Variants in GPC6 observed in about 807,000 individuals in gnomAD.
GPC6 encodes glypican 6.
GPC6 carries 14 observed loss-of-function variants against 55.2 expected under a neutral mutation model. That is an observed-to-expected ratio of 0.25 (90% CI 0.17 to 0.40). The LOEUF (loss-of-function observed/expected upper bound fraction) is 0.40. GPC6 is among the 10% of genes least tolerant of loss of function. The pLI, the probability that GPC6 is intolerant of heterozygous loss-of-function variation, is 1.00. For synonymous variants in GPC6, 278 were observed against 259.6 expected, an observed-to-expected ratio of 1.07 and a Z score of -0.68; for missense variants, 641 against 708.5, an observed-to-expected ratio of 0.90 and a Z score of 1.08.
intron 3 of GPC6, among the ~76,000 whole-genome samples, chr13:93,859,714 G>A (rs914545226): frequency 2.6e-5 from 4 of 151,494 alleles, no homozygotes; most frequent in Admixed American, 1.3e-4. Context: ...CATTTTATGT[G>A]CATTTTGATT....
intron 2 of GPC6, among the ~76,000 whole-genome samples, chr13:93,593,155 A>C (rs1877566251): frequency 6.6e-6 from 1 of 152,158 alleles, no homozygotes; most frequent in Non-Finnish European, 1.5e-5. Flanking sequence ...ATCATAGTTA[A>C]AATCAGAAAT....
At chr13:93,608,020 C>T (rs1192415003) in intron 2 of GPC6, among the ~76,000 whole-genome samples, 2 of 99,412 alleles carry the variant, frequency 2.0e-5, no homozygotes, top group Non-Finnish European at 3.9e-5. Context: ...TGGAGCCACT[C>T]CTGTGGCACT....
chr13:94,082,089 C>T (rs1316697567), intron 4 of GPC6, among the ~76,000 whole-genome samples: 1 of 152,042 alleles, frequency 6.6e-6, no homozygotes, highest in Admixed American at 6.6e-5. Flanking sequence ...GATCCACCTG[C>T]CTCGGCCTCC....
intron 4 of GPC6, among the ~76,000 whole-genome samples, chr13:94,211,075 C>T (rs1890060918): frequency 6.6e-6 from 1 of 152,146 alleles, no homozygotes; most frequent in Non-Finnish European, 1.5e-5. Flanking sequence ...CTGAAAATAC[C>T]ACTGATGTTC....
At chr13:94,198,944 G>A (rs915228482) in intron 4 of GPC6, among the ~76,000 whole-genome samples, 12 of 152,000 alleles carry the variant, frequency 7.9e-5, no homozygotes, top group African/African-American at 2.9e-4. Flanking sequence ...CACCACCACC[G>A]ACAGACAGAG....
intron 3 of GPC6, among the ~76,000 whole-genome samples, chr13:93,912,820 G>A (rs940404299): frequency 9.2e-5 from 14 of 152,164 alleles, no homozygotes; most frequent in African/African-American, 3.4e-4. Flanking sequence ...GAAATAAAGG[G>A]CTGTTTGCTT....
chr13:94,071,524 A>G lies in GPC6; in HGVS notation c.877+43630A>G, dbSNP rs117850689. Among the ~76,000 whole-genome samples the G allele has an allele frequency of 3.3e-5, 5 of 152,278 alleles. 1 individual carries two copies. The East Asian group carries it at 5.8e-4, about 18-fold the overall frequency. ...AGAAAATTATTCAATACAGAGCTCA[A>G]TTACAAATGTGCTTTGACAATCAGG... On this transcript the variant is annotated intron_variant, in intron 4 of 8. Transcript: ENST00000377047.
chr13:93,362,562 A>G (rs1218803648), intron 1 of GPC6, among the ~76,000 whole-genome samples: 1 of 152,186 alleles, frequency 6.6e-6, no homozygotes, highest in East Asian at 1.9e-4. Flanking sequence ...TAACTGTGAG[A>G]TGGAGTTCTG....
intron 1 of GPC6, among the ~76,000 whole-genome samples, chr13:93,450,486 A>G (rs2590559): frequency 0.95 from 145,381 of 152,288 alleles, 69,761 homozygotes; most frequent in East Asian, 1. Context: ...CAACAAGTGT[A>G]AACTTAGAAA....
intron 1 of GPC6, among the ~76,000 whole-genome samples, chr13:93,286,253 T>C (rs1395783555): frequency 6.6e-6 from 1 of 152,124 alleles, no homozygotes; most frequent in Non-Finnish European, 1.5e-5. Flanking sequence ...GAGAACTAAC[T>C]CACTATCACA....
intron 4 of GPC6, among the ~76,000 whole-genome samples, chr13:94,098,389 A>G (rs1333302797): frequency 2.0e-5 from 3 of 152,208 alleles, no homozygotes; most frequent in Non-Finnish European, 4.4e-5. Flanking sequence ...CAATGTATGC[A>G]GAGAAAGAAG....
chr13:93,763,789 A>G (rs1004789458), intron 2 of GPC6, among the ~76,000 whole-genome samples: 3 of 151,460 alleles, frequency 2.0e-5, no homozygotes, highest in African/African-American at 7.3e-5. Context: ...TCTCCCCAAG[A>G]TTTGAGATGT....
chr13:93,670,990 C>A lies in GPC6; in HGVS notation c.319+125569C>A, dbSNP rs945896972. 1.8e-4 allele frequency among the ~76,000 whole-genome samples: 28 copies of A among 152,264 alleles called. 1 individual carries two copies. Among genetic ancestry groups the A allele is most frequent in the Admixed American group, 1.8e-3 (28 of 15,276 alleles). On this transcript the variant is annotated intron_variant, in intron 2 of 8. Transcript: ENST00000377047. ...GGCTTCTTCCTTTTGGTCTTGCTCC[C>A]TTTCCATTCATTTTCACACTGTTGG...
intron 2 of GPC6, among the ~76,000 whole-genome samples, chr13:93,786,157 G>C (rs1418297064): frequency 6.6e-6 from 1 of 152,072 alleles, no homozygotes; most frequent in Non-Finnish European, 1.5e-5. Flanking sequence ...GATAAAAGAA[G>C]ACAGAGAGGA....
At chr13:94,145,661 G>C (rs535724073) in intron 4 of GPC6, among the ~76,000 whole-genome samples, 3 of 152,296 alleles carry the variant, frequency 2.0e-5, no homozygotes, top group African/African-American at 7.2e-5. Flanking sequence ...TCAGTAAACT[G>C]TTATGACGTG....
At chr13:93,298,285 C>G (rs1039472321) in intron 1 of GPC6, among the ~76,000 whole-genome samples, 1 of 152,176 alleles carries the variant, frequency 6.6e-6, no homozygotes, top group Non-Finnish European at 1.5e-5. Context: ...GTGATAAACT[C>G]TAATCAGAGC....
chr13:93,558,372 G>A (rs1200960857), intron 2 of GPC6, among the ~76,000 whole-genome samples: 1 of 152,048 alleles, frequency 6.6e-6, no homozygotes, highest in Admixed American at 6.6e-5. Context: ...AATGCTGATC[G>A]GTACCATGAA....
chr13:94,019,512 C>T (rs1315046002), intron 3 of GPC6, among the ~76,000 whole-genome samples: 1 of 152,158 alleles, frequency 6.6e-6, no homozygotes. Context: ...GCCTCTCTCC[C>T]GGCTTCTGGC....
chr13:93,677,578 A>G (rs1376741224), intron 2 of GPC6, among the ~76,000 whole-genome samples: 2 of 152,136 alleles, frequency 1.3e-5, no homozygotes, highest in Non-Finnish European at 2.9e-5. Context: ...TGGCATTGAA[A>G]TGGTCGGTTG....
Sources: gnomAD v4.1 joint callset for allele counts (sites outside exome capture counted in the v4.1 genomes callset) on GRCh38, gnomAD v4.1.1 for gene constraint, MANE v1.5 for transcripts, NCBI Gene and HGNC (gene_info 2026-07-23, HGNC 2026-07-21) for gene names.